The following NKAIN2 variants were observed in gnomAD, a reference collection of about 807,000 sequenced individuals.
The protein encoded by NKAIN2 is sodium/potassium-transporting ATPase subunit beta-1-interacting protein 2.
A neutral mutation model predicts 32.6 loss-of-function variants in NKAIN2; 14 were observed. The observed-to-expected ratio is 0.43, with a 90% CI of 0.28 to 0.67. The LOEUF (loss-of-function observed/expected upper bound fraction) is 0.67, where lower values mean the gene tolerates loss of function less well. Among genes scored for constraint, NKAIN2 ranks in the 30% least tolerant of loss-of-function variants. NKAIN2 has a pLI of 0.17. For missense variants in NKAIN2, 198 were observed against 258.3 expected (o/e 0.77, Z 1.60); for synonymous variants, 80 against 87.2 (o/e 0.92, Z 0.46).
chr6:124,534,709 G>A (rs1026222646), intron 3 of NKAIN2, among the ~76,000 whole-genome samples: 24 of 152,122 alleles, frequency 1.6e-4, no homozygotes, highest in Non-Finnish European at 2.8e-4. Flanking sequence ...TCCTTAGCTT[G>A]TTTCATTTGG....
intron 1 of NKAIN2, among the ~76,000 whole-genome samples, chr6:123,826,963 A>G: frequency 6.6e-6 from 1 of 152,096 alleles, no homozygotes; most frequent in South Asian, 2.1e-4. Flanking sequence ...TCCCACCAGC[A>G]GTGCATAAGG....
intron 1 of NKAIN2, among the ~76,000 whole-genome samples, chr6:123,845,696 CTT>C (rs1775059736): frequency 6.6e-6 from 1 of 152,182 alleles, no homozygotes; most frequent in Admixed American, 6.5e-5. Context: ...GACTGTAGGA[CTT>C]CAGTGAGTCT....
intron 1 of NKAIN2, among the ~76,000 whole-genome samples, chr6:124,129,511 T>A (rs1373263588): frequency 6.6e-6 from 1 of 152,218 alleles, no homozygotes; most frequent in East Asian, 1.9e-4. Flanking sequence ...GTTTTACACA[T>A]TTATATCACC....
chr6:124,455,950 C>G (rs1776304485), intron 3 of NKAIN2, among the ~76,000 whole-genome samples: 1 of 151,858 alleles, frequency 6.6e-6, no homozygotes, highest in Non-Finnish European at 1.5e-5. Flanking sequence ...TGTGTAGTGA[C>G]TTCCCACAGG....
chr6:124,519,505 G>A (rs998809908), intron 3 of NKAIN2, among the ~76,000 whole-genome samples: 5 of 152,086 alleles, frequency 3.3e-5, no homozygotes, highest in African/African-American at 4.8e-5. Context: ...TCTTATATTC[G>A]AGATATAGAA....
chr6:123,853,566 G>A (rs913648860), intron 1 of NKAIN2, among the ~76,000 whole-genome samples: 2 of 151,714 alleles, frequency 1.3e-5, no homozygotes, highest in Non-Finnish European at 2.9e-5. Context: ...TTGTATTTAT[G>A]AAAACATAAG....
chr6:124,265,259 GC>G (rs1199246186), intron 1 of NKAIN2, among the ~76,000 whole-genome samples: 2 of 151,740 alleles, frequency 1.3e-5, no homozygotes, highest in East Asian at 3.9e-4. Flanking sequence ...GTTCATGTTT[GC>G]TATCCATGTC....
chr6:123,919,114 GC>G (rs1424405649), intron 1 of NKAIN2, among the ~76,000 whole-genome samples: 1 of 151,960 alleles, frequency 6.6e-6, no homozygotes, highest in Non-Finnish European at 1.5e-5. Context: ...AAATGAATTG[GC>G]TTTAGGGAAT....
intron 2 of NKAIN2, among the ~76,000 whole-genome samples, chr6:124,329,535 C>T (rs1036779149): frequency 1.3e-4 from 20 of 152,172 alleles, no homozygotes; most frequent in African/African-American, 4.6e-4. Flanking sequence ...AACACAAATT[C>T]CCCCAAGATT....
At chr6:124,582,489 G>T (rs755443356) in intron 3 of NKAIN2, among the ~76,000 whole-genome samples, 3 of 152,030 alleles carry the variant, frequency 2.0e-5, no homozygotes, top group Non-Finnish European at 2.9e-5. Flanking sequence ...GCAATGAAAA[G>T]CTCAGGACCT....
intron 3 of NKAIN2, among the ~76,000 whole-genome samples, chr6:124,425,557 G>T (rs1298667238): frequency 6.6e-6 from 1 of 152,056 alleles, no homozygotes; most frequent in Non-Finnish European, 1.5e-5. Flanking sequence ...TCTGATAGGG[G>T]TTTAATATTT....
At chr6:124,723,210 A>G (rs954809226) in intron 4 of NKAIN2, among the ~76,000 whole-genome samples, 1 of 152,236 alleles carries the variant, frequency 6.6e-6, no homozygotes, top group Non-Finnish European at 1.5e-5. Context: ...AACTAAGATT[A>G]TGTAGAAACA....
At chr6:124,286,406 T>C (rs1795542873) in intron 2 of NKAIN2, among the ~76,000 whole-genome samples, 1 of 152,104 alleles carries the variant, frequency 6.6e-6, no homozygotes, top group Non-Finnish European at 1.5e-5. Flanking sequence ...TTTTAAGGCT[T>C]TTACTATATA....
At chr6:124,050,386 A>G (rs1782348005) in intron 1 of NKAIN2, among the ~76,000 whole-genome samples, 1 of 152,028 alleles carries the variant, frequency 6.6e-6, no homozygotes, top group South Asian at 2.1e-4. Context: ...CTTCAGTGAG[A>G]TGAAAGAGTA....
chr6:124,751,330 GAAATGATTTAC>G (rs1777708453), intron 4 of NKAIN2, among the ~76,000 whole-genome samples: 1 of 151,980 alleles, frequency 6.6e-6, no homozygotes, highest in South Asian at 2.1e-4. Context: ...AAAGGACAGA[GAAATGATTTAC>G]AAATACAGGT....
chr6:123,889,346 T>G (rs2114365225), intron 1 of NKAIN2, among the ~76,000 whole-genome samples: 1 of 152,184 alleles, frequency 6.6e-6, no homozygotes, highest in African/African-American at 2.4e-5. Context: ...GGCAGTATAT[T>G]TTGCCCTTTT....
intron 3 of NKAIN2, among the ~76,000 whole-genome samples, chr6:124,370,572 G>T (rs1464390649): frequency 6.6e-6 from 1 of 152,062 alleles, no homozygotes; most frequent in Non-Finnish European, 1.5e-5. Context: ...GTAATTAGGA[G>T]CTACGTCAAA....
chr6:124,647,834 A>G (rs1325149759), intron 3 of NKAIN2, among the ~76,000 whole-genome samples: 1 of 152,206 alleles, frequency 6.6e-6, no homozygotes, highest in Non-Finnish European at 1.5e-5. Context: ...AATATCAGTC[A>G]ATTAATATAA....
At chr6:124,222,730 A>G (rs996607690) in intron 1 of NKAIN2, among the ~76,000 whole-genome samples, 1 of 152,168 alleles carries the variant, frequency 6.6e-6, no homozygotes, top group African/African-American at 2.4e-5. Flanking sequence ...CCACATAAGT[A>G]AGGAATACTG....
Sources: allele counts gnomAD v4.1 joint callset (sites outside exome capture counted in the v4.1 genomes callset), GRCh38; gene constraint gnomAD v4.1.1; transcripts MANE v1.5; gene names NCBI Gene and HGNC (gene_info 2026-07-23, HGNC 2026-07-21).